Variants in DENND6A observed in about 807,000 individuals in gnomAD.
DENND6A encodes the protein DENN domain containing 6A.
In DENND6A, 43 loss-of-function variants were observed where a neutral mutation model predicts 95.5. The observed-to-expected ratio is 0.45, with a 90% CI of 0.35 to 0.58. The LOEUF (loss-of-function observed/expected upper bound fraction) is 0.58, where lower values mean the gene tolerates loss of function less well. Ranked by LOEUF, DENND6A falls within the 20% of genes least tolerant of loss-of-function variation. The pLI is 0.00. For synonymous variants in DENND6A, 257 were observed against 260.4 expected (o/e 0.99, Z 0.13); for missense variants, 574 against 736.0 (o/e 0.78, Z 2.55).
intron 3 of DENND6A, among the ~76,000 whole-genome samples, chr3:57,669,482 G>A (rs777163482): frequency 2.0e-5 from 3 of 151,978 alleles, no homozygotes; most frequent in Admixed American, 6.6e-5. Context: ...TTGGGAGGCG[G>A]AGGTGAGCGG....
rs2070557131 is a variant in DENND6A at position 57,627,437 on chromosome 3, C to A, written c.*777G>T. 6.6e-6 allele frequency: 1 copy of A among 152,076 alleles called. No individual in the cohort carries two copies. The highest frequency in any genetic ancestry group is 6.6e-5 in the Admixed American group (1 of 15,262). 9.4% of individuals were successfully genotyped at this position (152,076 alleles called of 1,614,324 possible). A position where few individuals can be genotyped will look rare whatever the true frequency, so the allele number is the denominator to read the frequency against. ...AGGATTACAGGCGTGAGCCACCACACCCAGCCTAATGTTTAAATTAGTAAA... is the reference window on the plus strand; with the variant it reads ...AGGATTACAGGCGTGAGCCACCACAACCAGCCTAATGTTTAAATTAGTAAA... On this transcript the variant is annotated 3_prime_UTR_variant, in exon 20 of 20. Transcript: ENST00000311128.
chr3:57,657,835 C>CT lies in DENND6A; in HGVS notation c.763-101dup, dbSNP rs149897615. The CT allele has an allele frequency of 4.0e-3, 2,780 of 686,584 alleles. 64 individuals are homozygous for CT. In the African/African-American group the frequency reaches 0.045, roughly 11 times the overall value. 42.5% of individuals were successfully genotyped at this position (686,584 alleles called of 1,614,324 possible). ...TGATCAATAAGCCATGCTGCCCTGTCTAACTTTTAAGATTCTCTTCCTTTA... is the reference window on the plus strand; with the variant it reads ...TGATCAATAAGCCATGCTGCCCTGTCTTAACTTTTAAGATTCTCTTCCTTTA... On this transcript the variant is annotated intron_variant, in intron 8 of 19. Coordinates refer to ENST00000311128, the MANE Select transcript of DENND6A (RefSeq NM_152678.3).
chr3:57,654,313 G>A (rs1310657605), intron 9 of DENND6A, among the ~76,000 whole-genome samples: 3 of 152,060 alleles, frequency 2.0e-5, no homozygotes, highest in Non-Finnish European at 4.4e-5. Flanking sequence ...GATATAGTAT[G>A]TTATTATAAT....
intron 11 of DENND6A, among the ~76,000 whole-genome samples, chr3:57,642,762 T>TCG (rs2070976061): frequency 3.3e-5 from 5 of 151,882 alleles, no homozygotes; most frequent in African/African-American, 7.3e-5. Flanking sequence ...CCCAGCCCTT[T>TCG]GGGAAGGCCG....
intron 3 of DENND6A, among the ~76,000 whole-genome samples, chr3:57,671,735 A>G (rs1027152070): frequency 6.6e-6 from 1 of 152,188 alleles, no homozygotes; most frequent in Non-Finnish European, 1.5e-5. Flanking sequence ...AGAGACTAAC[A>G]AAACCAAGCT....
At chr3:57,664,642 G>A (rs2071497572) in intron 4 of DENND6A, among the ~76,000 whole-genome samples, 1 of 152,154 alleles carries the variant, frequency 6.6e-6, no homozygotes, top group Non-Finnish European at 1.5e-5. Context: ...AGACCATCCT[G>A]GCCAACATGG....
At chr3:57,652,882 T>G (rs578098922) in intron 9 of DENND6A, among the ~76,000 whole-genome samples, 1 of 152,310 alleles carries the variant, frequency 6.6e-6, no homozygotes, top group East Asian at 1.9e-4. Context: ...AAAGAACTAT[T>G]CTAGACTGAA....
At chr3:57,671,969 T>C (rs774178609) in intron 3 of DENND6A, among the ~76,000 whole-genome samples, 11 of 152,210 alleles carry the variant, frequency 7.2e-5, no homozygotes, top group Non-Finnish European at 1.3e-4. Context: ...ATTTAATACA[T>C]ACTCCACGAA....
intron 10 of DENND6A, 32 bp from the exon 11 acceptor site, chr3:57,645,788 G>A (rs1015362159): frequency 1.3e-6 from 2 of 1,532,550 alleles, no homozygotes; most frequent in Non-Finnish European, 1.8e-6. Flanking sequence ...TAAAATAAAG[G>A]ACACAGAAAT....
intron 3 of DENND6A, among the ~76,000 whole-genome samples, chr3:57,669,840 A>C (rs2071586261): frequency 6.6e-6 from 1 of 151,490 alleles, no homozygotes; most frequent in Non-Finnish European, 1.5e-5. Flanking sequence ...TGGCCAACAC[A>C]GTGAAACCCC....
chr3:57,653,229 A>G (rs1358189891), intron 9 of DENND6A, among the ~76,000 whole-genome samples: 1 of 152,216 alleles, frequency 6.6e-6, no homozygotes, highest in East Asian at 1.9e-4. Context: ...ACTGACTTTA[A>G]TAGTGGGATT....
chr3:57,631,178 C>A (rs2070662680), intron 15 of DENND6A, 200 bp from the exon 16 acceptor site: 1 of 557,040 alleles, frequency 1.8e-6, no homozygotes, highest in Non-Finnish European at 3.2e-6. Flanking sequence ...TCAACTAAAT[C>A]TTAGATAAAC....
intron 1 of DENND6A, among the ~76,000 whole-genome samples, chr3:57,677,903 C>G (rs139256163): frequency 7.8e-4 from 119 of 152,254 alleles, no homozygotes; most frequent in African/African-American, 2.4e-3. Flanking sequence ...TAATCCTTCT[C>G]AGTTCCTAAA....
chr3:57,683,130 T>C (rs1269073808), intron 1 of DENND6A, among the ~76,000 whole-genome samples: 3 of 152,172 alleles, frequency 2.0e-5, no homozygotes, highest in Non-Finnish European at 4.4e-5. Context: ...TTATAATAGG[T>C]ACCAACAAAA....
At chr3:57,645,228 T>C (rs2071053492) in intron 11 of DENND6A, among the ~76,000 whole-genome samples, 1 of 152,092 alleles carries the variant, frequency 6.6e-6, no homozygotes, top group African/African-American at 2.4e-5. Context: ...TTTGTGAGGC[T>C]GAGGCAGGCA....
chr3:57,630,785 T>G lies in DENND6A; in HGVS notation c.1447A>C (p.Met483Leu). ...GGTCCTGTTTTCTCAAGTGTTTTCA[T>G]AAATTCTTCTGGAAGAAACTGTCTT... ...QLRQFLPEEF[M>L]KTLEKTGPQL... is the part of the protein sequence containing the mutation. The change falls in exon 17 of 20, where the codon ATG becomes CTG. Residue 483 changes from methionine (M) to leucine (L), a missense_variant. Transcript: ENST00000311128. 6.2e-7 allele frequency: 1 copy of G among 1,614,078 alleles called. No homozygotes were observed. Among genetic ancestry groups the G allele is most frequent in the Non-Finnish European group, 8.5e-7 (1 of 1,179,992 alleles).
chr3:57,681,621 TAAAA>T (rs35245886), intron 1 of DENND6A, among the ~76,000 whole-genome samples: 3 of 119,660 alleles, frequency 2.5e-5, no homozygotes, highest in South Asian at 2.7e-4. Context: ...AAGACCCTGT[TAAAA>T]AAAAAAAAAA....
chr3:57,642,043 G>A (rs760137439), intron 11 of DENND6A, among the ~76,000 whole-genome samples: 15 of 152,196 alleles, frequency 9.9e-5, no homozygotes, highest in South Asian at 2.1e-4. Context: ...AGCCGAGCGC[G>A]GTGATTCACG....
chr3:57,645,120 A>C (rs2071050564), intron 11 of DENND6A, among the ~76,000 whole-genome samples: 1 of 152,158 alleles, frequency 6.6e-6, no homozygotes, highest in Non-Finnish European at 1.5e-5. Flanking sequence ...AGTACAACTG[A>C]AAGTACAACC....
Sources: allele counts gnomAD v4.1 joint callset (sites outside exome capture counted in the v4.1 genomes callset), GRCh38; gene constraint gnomAD v4.1.1; transcripts MANE v1.5; gene names NCBI Gene and HGNC (gene_info 2026-07-23, HGNC 2026-07-21).